DOP1B: variants seen among roughly 807,000 people sequenced by gnomAD.
DOP1B encodes DOP1 leucine zipper like protein B, also known as protein DOP1B.
In DOP1B, 174 loss-of-function variants were observed where a neutral mutation model predicts 233.5. The ratio of observed to expected loss-of-function variants is 0.75; its 90% confidence interval spans 0.66 to 0.85. DOP1B has a LOEUF of 0.85. Ranked by LOEUF, DOP1B falls within the 40% of genes least tolerant of loss-of-function variation. The pLI is 0.00. For missense variants in DOP1B, 2,652 were observed against 2,846.6 expected, an observed-to-expected ratio of 0.93 and a Z score of 1.56; for synonymous variants, 1,190 against 1,185.6, an observed-to-expected ratio of 1.00 and a Z score of -0.08.
At chr21:36,185,063 C>G (rs1393437779) in intron 2 of DOP1B, among the ~76,000 whole-genome samples, 2 of 152,154 alleles carry the variant, frequency 1.3e-5, no homozygotes, top group Non-Finnish European at 2.9e-5. Context: ...TTTCTTCTGT[C>G]TCTGACTTTA....
intron 12 of DOP1B, among the ~76,000 whole-genome samples, chr21:36,227,431 C>T (rs1456806219): frequency 4.6e-5 from 7 of 151,080 alleles, no homozygotes; most frequent in African/African-American, 1.2e-4. Context: ...CCTGTAGTCC[C>T]AGCTGCTCGG....
chr21:36,262,381 C>G (rs561002169), intron 24 of DOP1B, among the ~76,000 whole-genome samples: 2 of 152,278 alleles, frequency 1.3e-5, no homozygotes, highest in Admixed American at 6.5e-5. Flanking sequence ...GGACTTGGAC[C>G]TGGGACACTC....
intron 10 of DOP1B, among the ~76,000 whole-genome samples, chr21:36,222,181 A>AT (rs2066632122): frequency 6.6e-6 from 1 of 151,878 alleles, no homozygotes; most frequent in South Asian, 2.1e-4. Context: ...CTTTTTCAGT[A>AT]TTTTTTAATG....
rs186891307 is a variant in DOP1B at position 36,196,034 on chromosome 21, A to G, written c.139-3036A>G. ...CCAAGTATGTCACGTTGCCGTGCCT[A>G]TACTCAAAAGAGCAGAAGAAAGGGA... is the stretch of plus-strand genomic sequence containing the variant. On this transcript the variant is annotated intron_variant, in intron 2 of 36. Transcript: ENST00000691173. Among the ~76,000 whole-genome samples the G allele has an allele frequency of 8.5e-5, 13 of 152,378 alleles. No individual in the cohort carries two copies. The East Asian group carries it at 1.5e-3, about 18-fold the overall frequency.
intron 2 of DOP1B, among the ~76,000 whole-genome samples, chr21:36,178,517 C>G (rs2066057451): frequency 6.6e-6 from 1 of 152,010 alleles, no homozygotes. Context: ...AGATGGCTGT[C>G]TGCAAGCCAG....
At chr21:36,225,028 A>G (rs940624675) in intron 11 of DOP1B, among the ~76,000 whole-genome samples, 1 of 152,066 alleles carries the variant, frequency 6.6e-6, no homozygotes, top group East Asian at 1.9e-4. Flanking sequence ...AGACACCTGA[A>G]TTGGTAGAGT....
At chr21:36,229,668 T>TG (rs1425580893) in intron 13 of DOP1B, among the ~76,000 whole-genome samples, 7 of 150,362 alleles carry the variant, frequency 4.7e-5, no homozygotes, top group Non-Finnish European at 7.4e-5. Context: ...TACCTTTTTT[T>TG]TTTTTTTTTT....
At chr21:36,170,029 G>A in intron 2 of DOP1B, 1 of 736,710 alleles carries the variant, frequency 1.4e-6, no homozygotes, top group Non-Finnish European at 2.5e-6. Context: ...GGTCATGCCA[G>A]CCTTGTATCC....
At chr21:36,164,902 T>G in intron 2 of DOP1B, 31 bp downstream of exon 2, 1 of 1,469,316 alleles carries the variant, frequency 6.8e-7, no homozygotes, top group East Asian at 2.5e-5. Context: ...TTGGATTGCA[T>G]GGAGGTGGGG....
Position 36,164,599 on chromosome 21 carries a change from T to C in DOP1B, c.-26-109T>C, listed in dbSNP as rs945293042. 5 of 790,054 alleles carry C rather than the reference T, an allele frequency of 6.3e-6. No individual in the cohort carries two copies. In the Admixed American group the frequency reaches 1.1e-4, roughly 17 times the overall value. 48.9% of individuals were successfully genotyped at this position (790,054 alleles called of 1,614,324 possible). On this transcript the variant is annotated intron_variant, in intron 1 of 36. Coordinates refer to ENST00000691173, the MANE Select transcript of DOP1B (RefSeq NM_001320714.2). ...TATTTGAACAGGATTGCCCAGTGAGTTTGTGCACAGTTGTGTTTGTGGACA... is the reference window on the plus strand; with the variant it reads ...TATTTGAACAGGATTGCCCAGTGAGCTTGTGCACAGTTGTGTTTGTGGACA...
intron 13 of DOP1B, among the ~76,000 whole-genome samples, chr21:36,228,471 T>A (rs1045143669): frequency 1.3e-5 from 2 of 148,926 alleles, no homozygotes; most frequent in Non-Finnish European, 3.0e-5. Flanking sequence ...AAAAAAAAAA[T>A]AAATAAAAAT....
intron 30 of DOP1B, among the ~76,000 whole-genome samples, chr21:36,279,544 G>T (rs1418908478): frequency 6.6e-6 from 1 of 152,192 alleles, no homozygotes; most frequent in Non-Finnish European, 1.5e-5. Flanking sequence ...CACCCCCAGA[G>T]GGCTGCTGGT....
chr21:36,227,991 C>T (rs1307617965), intron 13 of DOP1B, 114 bp downstream of exon 13: 1 of 1,068,046 alleles, frequency 9.4e-7, no homozygotes, highest in East Asian at 2.7e-5. Context: ...AGAAGATACC[C>T]AGGTGATATG....
chr21:36,179,255 T>A (rs1284167475), intron 2 of DOP1B, among the ~76,000 whole-genome samples: 1 of 152,228 alleles, frequency 6.6e-6, no homozygotes, highest in Non-Finnish European at 1.5e-5. Context: ...TATGTTTAAT[T>A]TTTTAAGAAG....
intron 15 of DOP1B, among the ~76,000 whole-genome samples, chr21:36,235,408 A>C (rs2066813694): frequency 6.6e-6 from 1 of 152,000 alleles, no homozygotes; most frequent in Non-Finnish European, 1.5e-5. Context: ...AGAACAGAGG[A>C]GTAGAGTAAG....
intron 26 of DOP1B, 105 bp downstream of exon 26, chr21:36,263,919 T>C (rs2067204146): frequency 1.7e-6 from 2 of 1,152,778 alleles, no homozygotes; most frequent in Non-Finnish European, 2.6e-6. Context: ...GGACAGAATC[T>C]GAGGTTAGCT....
chr21:36,174,746 C>T (rs144481816), intron 2 of DOP1B, among the ~76,000 whole-genome samples: 61 of 152,162 alleles, frequency 4.0e-4, no homozygotes, highest in African/African-American at 1.4e-3. Flanking sequence ...TTCCTGAGCT[C>T]GAGTGATCCT....
At chr21:36,166,520 G>A (rs2065912818) in intron 2 of DOP1B, among the ~76,000 whole-genome samples, 1 of 152,080 alleles carries the variant, frequency 6.6e-6, no homozygotes. Flanking sequence ...GTGACATATA[G>A]ATGGGAGCAT....
At position 36,245,098 on chromosome 21, in the gene DOP1B, T is replaced by C; in HGVS notation, c.3118T>C (p.Cys1040Arg). The change falls in exon 19 of 37, where the codon TGC (cysteine) becomes CGC (arginine). Residue 1040 changes from cysteine (C) to arginine (R), a missense_variant. Coordinates refer to ENST00000691173, the MANE Select transcript of DOP1B (RefSeq NM_001320714.2). This position sits in a 1 kb window ranked among gnomAD's most constrained non-coding sequence, Gnocchi z 5.5. ...GAAGAAAACCTCTTTCAGAGAGGCA[T>C]GCGCAGTGCCCGAGCCTCAGGAGAG... ...NRKKTSFREA[C>R]AVPEPQESGS... The C allele has an allele frequency of 2.5e-6, 4 of 1,612,036 alleles. No homozygotes were observed. Among genetic ancestry groups the C allele is most frequent in the Non-Finnish European group, 3.4e-6 (4 of 1,178,384 alleles).
Sources: allele counts gnomAD v4.1 joint callset (sites outside exome capture counted in the v4.1 genomes callset), GRCh38; gene constraint gnomAD v4.1.1; non-coding constraint Gnocchi (gnomAD v3.1); transcripts MANE v1.5; gene names NCBI Gene and HGNC (gene_info 2026-07-23, HGNC 2026-07-21).